The following ADGRL2 variants were observed in gnomAD, a reference collection of about 807,000 sequenced individuals.
ADGRL2 encodes calcium-independent alpha-latrotoxin receptor 2.
In ADGRL2, 44 loss-of-function variants were observed where a neutral mutation model predicts 157.4. The observed-to-expected ratio is 0.28, with a 90% CI of 0.22 to 0.36. The LOEUF (loss-of-function observed/expected upper bound fraction) is 0.36. ADGRL2 is among the 10% of genes least tolerant of loss of function. The pLI is 1.00. For missense variants in ADGRL2, 1,510 were observed against 1,768.9 expected (o/e 0.85, Z 2.63); for synonymous variants, 585 against 624.7 (o/e 0.94, Z 0.95).
chr1:81,560,073 A>T (rs558722772), intron 2 of ADGRL2, among the ~76,000 whole-genome samples: 31 of 152,210 alleles, frequency 2.0e-4, no homozygotes, highest in Admixed American at 9.8e-4. Flanking sequence ...CCAGACAAAG[A>T]TACCATAGAG....
intron 2 of ADGRL2, among the ~76,000 whole-genome samples, chr1:81,870,180 A>G (rs1473108831): frequency 1.4e-5 from 2 of 147,104 alleles, no homozygotes; most frequent in Non-Finnish European, 3.0e-5. Flanking sequence ...TAATTTTTTG[A>G]TAATCTAACT....
At chr1:81,359,276 A>T (rs2075932396) in intron 1 of ADGRL2, among the ~76,000 whole-genome samples, 2 of 152,052 alleles carry the variant, frequency 1.3e-5, no homozygotes, top group Non-Finnish European at 2.9e-5. Context: ...CGTTTATTGA[A>T]CATCTGCCAT....
intron 1 of ADGRL2, among the ~76,000 whole-genome samples, chr1:81,803,002 G>T (rs1443538174): frequency 1.3e-5 from 2 of 152,138 alleles, no homozygotes; most frequent in African/African-American, 4.8e-5. Context: ...CGGGCCACGG[G>T]GAGGGCAGAG....
intron 23 of ADGRL2, chr1:81,989,553 T>C: frequency 1.3e-6 from 1 of 783,314 alleles, no homozygotes. Flanking sequence ...CTGCTATTGC[T>C]GGTAATCTAA....
Position 81,561,333 on chromosome 1 carries a change from A to G in ADGRL2, c.-247-19543A>G, listed in dbSNP as rs140711136. ...CCAGACCTGGAACAGTGCATGACCT[A>G]TAATAGGTGCTAAATACATATTACT... On this transcript the variant is annotated intron_variant, in intron 2 of 24. Coordinates refer to the ADGRL2 transcript ENST00000370721. Among the ~76,000 whole-genome samples, 397 of 152,204 alleles carry G rather than the reference A, an allele frequency of 2.6e-3. 4 individuals carry two copies. The highest frequency in any genetic ancestry group is 9.2e-3 in the African/African-American group (384 of 41,542).
intron 2 of ADGRL2, among the ~76,000 whole-genome samples, chr1:81,863,465 G>A (rs138118854): frequency 1.3e-5 from 2 of 152,158 alleles, no homozygotes; most frequent in African/African-American, 4.8e-5. Flanking sequence ...AATTATAGTT[G>A]GCAATCTCTT....
chr1:81,893,221 C>T (rs1465000667), intron 2 of ADGRL2, among the ~76,000 whole-genome samples: 1 of 148,582 alleles, frequency 6.7e-6, no homozygotes, highest in Non-Finnish European at 1.5e-5. Flanking sequence ...ATGTAATTTT[C>T]TAAAACCTGC....
At chr1:81,580,112 A>T (rs2080877623) in intron 2 of ADGRL2, among the ~76,000 whole-genome samples, 1 of 152,206 alleles carries the variant, frequency 6.6e-6, no homozygotes, top group Admixed American at 6.5e-5. Flanking sequence ...TTGAAAACTG[A>T]ATAAAAGCGG....
At chr1:81,401,922 G>A (rs772316018) in intron 1 of ADGRL2, among the ~76,000 whole-genome samples, 36 of 152,110 alleles carry the variant, frequency 2.4e-4, no homozygotes, top group Non-Finnish European at 1.6e-4. Context: ...AACTTGTTCA[G>A]CCATAGAGAA....
At chr1:81,948,376 A>T (rs528353416) in intron 6 of ADGRL2, among the ~76,000 whole-genome samples, 2 of 152,294 alleles carry the variant, frequency 1.3e-5, no homozygotes, top group East Asian at 1.9e-4. Flanking sequence ...ATCTCAACTA[A>T]TGCTTAGCTA....
At chr1:81,975,043 A>T (rs114231108) in intron 17 of ADGRL2, among the ~76,000 whole-genome samples, 244 of 152,024 alleles carry the variant, frequency 1.6e-3, no homozygotes, top group African/African-American at 5.3e-3. Flanking sequence ...CAACAGACTT[A>T]TCTTAAAAGA....
chr1:81,932,299 A>G (rs2095245031), intron 3 of ADGRL2, among the ~76,000 whole-genome samples: 1 of 152,202 alleles, frequency 6.6e-6, no homozygotes, highest in African/African-American at 2.4e-5. Flanking sequence ...CAGATAATAT[A>G]CTTATTTCAA....
At chr1:81,854,640 A>T (rs1362103232) in intron 2 of ADGRL2, among the ~76,000 whole-genome samples, 2 of 152,194 alleles carry the variant, frequency 1.3e-5, no homozygotes, top group Non-Finnish European at 2.9e-5. Context: ...TATGGGTATT[A>T]TCTTAAAGGA....
At chr1:81,306,213 C>G (rs1449031929) in exon 1 of ADGRL2, 1 of 152,200 alleles carries the variant, frequency 6.6e-6, no homozygotes, top group Non-Finnish European at 1.5e-5. Context: ...ATGCACTCTT[C>G]CATCTTTTTG....
intron 1 of ADGRL2, among the ~76,000 whole-genome samples, chr1:81,392,057 G>A (rs970796250): frequency 2.6e-5 from 4 of 152,010 alleles, no homozygotes; most frequent in Admixed American, 2.6e-4. Context: ...GAATGAGCTC[G>A]ATTTAAGTCC....
chr1:81,727,051 C>T (rs2084553949), intron 1 of ADGRL2, among the ~76,000 whole-genome samples: 1 of 152,166 alleles, frequency 6.6e-6, no homozygotes, highest in Non-Finnish European at 1.5e-5. Flanking sequence ...CAAACATGTA[C>T]AGTAACAATT....
rs3046438 is a variant in ADGRL2 at position 81,891,984 on chromosome 1, A to G, written c.74-15033A>G. Among the ~76,000 whole-genome samples, 27 of 123,118 alleles carry G rather than the reference A, an allele frequency of 2.2e-4. No individual in the cohort carries two copies. In the East Asian group the frequency reaches 2.4e-3, roughly 11 times the overall value. The allele number at this position is 123,118 out of a possible 152,430, so 80.8% of individuals were successfully genotyped here. ...AGTGTGTGTGTGTGTGTGTGTGTGT[A>G]TGTGTGTGTGGTTTTATTTCAGAGT... On this transcript the variant is annotated intron_variant, in intron 2 of 23. Coordinates refer to ENST00000686636, the MANE Select transcript of ADGRL2 (RefSeq NM_001366006.2).
chr1:81,664,109 A>C (rs2082710235), intron 3 of ADGRL2, among the ~76,000 whole-genome samples: 1 of 152,028 alleles, frequency 6.6e-6, no homozygotes, highest in African/African-American at 2.4e-5. Flanking sequence ...ATTTCTTTTT[A>C]AATTTTTATT....
intron 2 of ADGRL2, among the ~76,000 whole-genome samples, chr1:81,475,356 T>C (rs2078251326): frequency 6.6e-6 from 1 of 152,140 alleles, no homozygotes; most frequent in Admixed American, 6.6e-5. Flanking sequence ...ATTACTATTG[T>C]TTACGTCTTG....
Sources: allele counts gnomAD v4.1 joint callset (sites outside exome capture counted in the v4.1 genomes callset), GRCh38; gene constraint gnomAD v4.1.1; transcripts MANE v1.5; gene names NCBI Gene and HGNC (gene_info 2026-07-23, HGNC 2026-07-21).